Variants in ADGRB3 observed in about 807,000 individuals in gnomAD.
ADGRB3 encodes the protein brain-specific angiogenesis inhibitor 3.
Under a neutral mutation model 193.4 loss-of-function variants are expected in ADGRB3, and 37 were observed. The observed-to-expected ratio is 0.19, with a 90% confidence interval of 0.15 to 0.25. The LOEUF (loss-of-function observed/expected upper bound fraction) is 0.25, where lower values mean the gene tolerates loss of function less well. ADGRB3 is among the 10% of genes least tolerant of loss of function. The probability of loss-of-function intolerance (pLI) is 1.00; values close to 1 mark genes in which losing one functional copy is unlikely to be tolerated. For missense variants in ADGRB3, 1,637 were observed against 1,852.9 expected, an observed-to-expected ratio of 0.88 and a Z score of 2.14; for synonymous variants, 690 against 644.2, an observed-to-expected ratio of 1.07 and a Z score of -1.08.
intron 12 of ADGRB3, among the ~76,000 whole-genome samples, chr6:69,016,795 A>G (rs1380436776): frequency 6.6e-6 from 1 of 151,946 alleles, no homozygotes. Flanking sequence ...TTCCAAAAGT[A>G]AATGTTCTTA....
At position 68,807,486 on chromosome 6, in the gene ADGRB3, C is replaced by T. The variant is rs1006381846; in HGVS notation, c.758-123073C>T. On this transcript the variant is annotated intron_variant, in intron 3 of 31. Transcript: ENST00000370598. ...CGATCTCCTGACCTCGTGATTTCCC[C>T]GCCTCAGCCTCCCAAAGTGCTGAGA... 5.9e-5 allele frequency among the ~76,000 whole-genome samples: 9 copies of T among 151,752 alleles called. No homozygotes were observed. The South Asian group carries it at 8.3e-4, about 14-fold the overall frequency.
At position 68,638,684 on chromosome 6, in the gene ADGRB3, T is replaced by C. The variant is rs140630896; in HGVS notation, c.9T>C (p.Ala3=). ...AGGCCAAATGACATAGGATGAAGGC[T>C]GTTCGTAACCTGCTGATTTATATAT... MK[A]VRNLLIYIFS... is the part of the protein sequence containing the mutation. The change falls in exon 3 of 32, where the codon GCT becomes GCC. Residue 3 remains alanine, a synonymous_variant. Transcript: ENST00000370598. 7.4e-6 allele frequency: 12 copies of C among 1,612,466 alleles called. No homozygotes were observed. Among genetic ancestry groups the C allele is most frequent in the African/African-American group, 5.3e-5 (4 of 74,846 alleles).
intron 3 of ADGRB3, among the ~76,000 whole-genome samples, chr6:68,689,116 G>A (rs1233166997): frequency 6.6e-6 from 1 of 152,142 alleles, no homozygotes; most frequent in Non-Finnish European, 1.5e-5. Context: ...CAGAGTTAAG[G>A]GTGAAGTGCC....
intron 3 of ADGRB3, among the ~76,000 whole-genome samples, chr6:68,911,958 A>G (rs1766725413): frequency 6.6e-6 from 1 of 151,844 alleles, no homozygotes. Flanking sequence ...GAAGTGGAAA[A>G]TTCTGATCTG....
Position 69,367,641 on chromosome 6 carries a change from T to G in ADGRB3, c.4240-4765T>G, listed in dbSNP as rs1769603073. 2.0e-5 allele frequency among the ~76,000 whole-genome samples: 3 copies of G among 152,164 alleles called. No homozygotes were observed. In the South Asian group the frequency reaches 6.2e-4, roughly 32 times the overall value. ...ATGATGAGCATTTTTTCATGTGTTTTTTGGCTGCATAAATGTCTTCTTTTG... is the reference window on the plus strand; with the variant it reads ...ATGATGAGCATTTTTTCATGTGTTTGTTGGCTGCATAAATGTCTTCTTTTG... On this transcript the variant is annotated intron_variant, in intron 29 of 31. Coordinates refer to ENST00000370598, the MANE Select transcript of ADGRB3 (RefSeq NM_001704.3).
rs1021741532 is a variant in ADGRB3 at position 68,692,168 on chromosome 6, T to A, written c.757+52736T>A. On this transcript the variant is annotated intron_variant, in intron 3 of 31. Transcript: ENST00000370598. The stretch of plus-strand genomic sequence containing the variant: ...TAAAAATAATTTCAAATGTATTCCC[T>A]AGAAAATTTAGGATAAACATTTTCT... Among the ~76,000 whole-genome samples, 2 of 151,928 alleles carry A rather than the reference T, an allele frequency of 1.3e-5. 1 individual carries two copies. Among genetic ancestry groups the A allele is most frequent in the Admixed American group, 1.3e-4 (2 of 15,224 alleles).
At chr6:68,996,104 C>T (rs1386346835) in intron 11 of ADGRB3, among the ~76,000 whole-genome samples, 1 of 152,134 alleles carries the variant, frequency 6.6e-6, no homozygotes, top group African/African-American at 2.4e-5. Context: ...ATAAACTAAT[C>T]TTAATTCCAA....
chr6:68,807,821 A>T (rs1767436060), intron 3 of ADGRB3, among the ~76,000 whole-genome samples: 1 of 152,190 alleles, frequency 6.6e-6, no homozygotes, highest in Admixed American at 6.5e-5. Flanking sequence ...CACAGAGAAT[A>T]GCTCAGTTGG....
rs187622339 is a variant in ADGRB3 at position 68,741,600 on chromosome 6, C to G, written c.757+102168C>G. ...GCAGGGTTTCACTGTATTGCCCACG[C>G]TGGTCTTAAACTCCTGAGCTCAAGT... On this transcript the variant is annotated intron_variant, in intron 3 of 31. Coordinates refer to ENST00000370598, the MANE Select transcript of ADGRB3 (RefSeq NM_001704.3). Among the ~76,000 whole-genome samples the G allele has an allele frequency of 3.4e-4, 52 of 152,284 alleles. No homozygotes were observed. The East Asian group carries it at 7.9e-3, about 23-fold the overall frequency.
intron 17 of ADGRB3, among the ~76,000 whole-genome samples, chr6:69,189,166 CAT>C (rs1355160549): frequency 1.3e-5 from 2 of 152,138 alleles, no homozygotes; most frequent in African/African-American, 4.8e-5. Context: ...CTGGGAATAA[CAT>C]ATGAATGTCA....
At chr6:68,750,940 G>A (rs1187744229) in intron 3 of ADGRB3, among the ~76,000 whole-genome samples, 1 of 152,134 alleles carries the variant, frequency 6.6e-6, no homozygotes, top group African/African-American at 2.4e-5. Context: ...GTCCCAAGGA[G>A]ATCTTACCTT....
chr6:69,052,141 G>A (rs1435175809), intron 15 of ADGRB3, among the ~76,000 whole-genome samples: 5 of 152,076 alleles, frequency 3.3e-5, no homozygotes, highest in Non-Finnish European at 7.4e-5. Context: ...GCCCGCCTCG[G>A]CCTCCCAAAG....
chr6:69,206,071 A>G (rs1160622461), intron 17 of ADGRB3, among the ~76,000 whole-genome samples: 1 of 140,218 alleles, frequency 7.1e-6, no homozygotes, highest in Non-Finnish European at 1.5e-5. Context: ...ATATATATAT[A>G]TATATATGAG....
At chr6:68,777,150 G>A (rs1273787336) in intron 3 of ADGRB3, among the ~76,000 whole-genome samples, 1 of 152,090 alleles carries the variant, frequency 6.6e-6, no homozygotes, top group African/African-American at 2.4e-5. Flanking sequence ...GCCTTCCCCT[G>A]TGTGCAAGGA....
At chr6:69,067,592 G>A (rs1433557219) in intron 16 of ADGRB3, among the ~76,000 whole-genome samples, 1 of 152,116 alleles carries the variant, frequency 6.6e-6, no homozygotes, top group East Asian at 1.9e-4. Context: ...GTGTGCATCC[G>A]TAATTTTCAC....
rs528522481 is a variant in ADGRB3, at chr6:69,328,642, A to G, written c.3035+753A>G. ...GGGTTTGAGGTAGGAATCACTGCCA[A>G]TTAGACCCTCTGATAGGTTCGTACA... On this transcript the variant is annotated intron_variant, in intron 22 of 31. Coordinates refer to ENST00000370598, the MANE Select transcript of ADGRB3 (RefSeq NM_001704.3). Among the ~76,000 whole-genome samples, 24 of 152,246 alleles carry G rather than the reference A, an allele frequency of 1.6e-4. No homozygotes were observed. In the South Asian group the frequency reaches 5.0e-3, roughly 32 times the overall value.
chr6:69,346,891 A>C lies in ADGRB3; in HGVS notation c.3460-7342A>C, dbSNP rs142891767. On this transcript the variant is annotated intron_variant, in intron 26 of 31. Transcript: ENST00000370598. ...AGGATTATACATCACTCAGCTTGCT[A>C]TAAAGACACATGTACACCTGTGTTT... Among the ~76,000 whole-genome samples, 383 of 152,356 alleles carry C rather than the reference A, an allele frequency of 2.5e-3. 1 individual carries two copies. Among genetic ancestry groups the C allele is most frequent in the African/African-American group, 8.7e-3 (363 of 41,584 alleles).
At chr6:69,146,984 G>T (rs1774520509) in intron 17 of ADGRB3, among the ~76,000 whole-genome samples, 1 of 151,472 alleles carries the variant, frequency 6.6e-6, no homozygotes, top group African/African-American at 2.4e-5. Flanking sequence ...TTGAATTTCT[G>T]CTTATCAGTG....
At chr6:69,226,922 G>A (rs945764942) in intron 17 of ADGRB3, among the ~76,000 whole-genome samples, 30 of 152,190 alleles carry the variant, frequency 2.0e-4, no homozygotes, top group African/African-American at 7.0e-4. Context: ...AGGCTAACAA[G>A]TCACACATCA....
Sources: allele counts gnomAD v4.1 joint callset (sites outside exome capture counted in the v4.1 genomes callset), GRCh38; gene constraint gnomAD v4.1.1; transcripts MANE v1.5; gene names NCBI Gene and HGNC (gene_info 2026-07-23, HGNC 2026-07-21).